Variants in ELF1 observed in about 807,000 individuals in gnomAD.
The protein encoded by ELF1 is ETS-related transcription factor Elf-1.
ELF1 carries 24 observed loss-of-function variants against 59.9 expected under a neutral mutation model. That is an observed-to-expected ratio of 0.40 (90% confidence interval 0.29 to 0.56). The LOEUF (loss-of-function observed/expected upper bound fraction) is 0.56. ELF1 is among the 20% of genes least tolerant of loss of function. The pLI is 0.44. For synonymous variants in ELF1, 248 were observed against 266.2 expected, an observed-to-expected ratio of 0.93 and a Z score of 0.67; for missense variants, 627 against 742.2, an observed-to-expected ratio of 0.84 and a Z score of 1.80.
At chr13:40,937,316 C>T (rs964043973) in intron 8 of ELF1, among the ~76,000 whole-genome samples, 4 of 152,160 alleles carry the variant, frequency 2.6e-5, no homozygotes, top group African/African-American at 9.7e-5. Flanking sequence ...TAACATTTAG[C>T]ATTTGTTGAG....
At chr13:40,966,753 G>A (rs1338272758) in intron 2 of ELF1, among the ~76,000 whole-genome samples, 1 of 152,114 alleles carries the variant, frequency 6.6e-6, no homozygotes, top group East Asian at 1.9e-4. Context: ...TCTGGTATAT[G>A]GTGATTGTGA....
Position 40,979,218 on chromosome 13 carries a change from T to TACACACAC in ELF1, c.72+2757_72+2764dup, listed in dbSNP as rs147590741. Among the ~76,000 whole-genome samples, 960 of 151,264 alleles carry TACACACAC rather than the reference T, an allele frequency of 6.3e-3. 6 individuals carry two copies. The highest frequency in any genetic ancestry group is 0.019 in the African/African-American group (778 of 41,224). ...ATCACATAAGTGTACAAAGATACAC[T>TACACACAC]ACACACACACACACATAATGACAAA... On this transcript the variant is annotated intron_variant, in intron 2 of 8. Coordinates refer to ENST00000239882, the MANE Select transcript of ELF1 (RefSeq NM_172373.4).
intron 2 of ELF1, among the ~76,000 whole-genome samples, chr13:40,975,149 T>C (rs1481689926): frequency 6.6e-6 from 1 of 152,182 alleles, no homozygotes; most frequent in East Asian, 1.9e-4. Flanking sequence ...TACAGATCAG[T>C]AGCAACACTC....
At chr13:40,996,564 C>A (rs1351999398) in intron 1 of ELF1, among the ~76,000 whole-genome samples, 1 of 152,124 alleles carries the variant, frequency 6.6e-6, no homozygotes, top group Non-Finnish European at 1.5e-5. Context: ...AAATGTACAC[C>A]ACCATAAGTG....
chr13:40,941,209 C>G lies in ELF1; in HGVS notation c.968G>C (p.Arg323Thr), dbSNP rs144532940. The change falls in exon 8 of 9, where the codon AGG (arginine) becomes ACG (threonine). Residue 323 changes from arginine to threonine, a missense_variant. By Grantham distance (71) the Arg-to-Thr change is moderately conservative. This residue lies in a region of ELF1 where 361 missense variants were observed against 396.1 expected (regional missense o/e 0.91). Coordinates refer to ENST00000239882, the MANE Select transcript of ELF1 (RefSeq NM_172373.4). ...TACTCTCGACCGGCTGGTTTGATTC[C>G]TATTTGAAGTGGCTGATGAAGATAG... The part of the protein sequence containing the change: ...PSLSSSATSN[R>T]NQTSRSRVSS... The G allele has an allele frequency of 8.2e-5, 132 of 1,614,058 alleles. No individual in the cohort carries two copies. The highest frequency in any genetic ancestry group is 1.6e-4 in the Middle Eastern group (1 of 6,084).
chr13:41,000,627 G>C (rs558099189), intron 1 of ELF1, among the ~76,000 whole-genome samples: 23 of 152,082 alleles, frequency 1.5e-4, no homozygotes, highest in African/African-American at 4.8e-4. Flanking sequence ...GCACTTACTA[G>C]ATTTAAAAAA....
intron 1 of ELF1, among the ~76,000 whole-genome samples, chr13:41,040,523 C>T (rs1435173605): frequency 6.6e-6 from 1 of 151,900 alleles, no homozygotes; most frequent in Non-Finnish European, 1.5e-5. Flanking sequence ...GGATGGGGGG[C>T]AGGGGTTGGG....
At chr13:40,970,001 TCA>T (rs1284360858) in intron 2 of ELF1, among the ~76,000 whole-genome samples, 2 of 152,218 alleles carry the variant, frequency 1.3e-5, no homozygotes, top group African/African-American at 4.8e-5. Flanking sequence ...GGCAATTTCC[TCA>T]GTTTCTTTCA....
At position 40,933,775 on chromosome 13, in the gene ELF1, C is replaced by T; in HGVS notation, c.1510G>A (p.Val504Ile). ...PPSIVLGPAQVQQVLTSNVQT... is the reference protein window; with the variant it reads ...PPSIVLGPAQIQQVLTSNVQT... ...ACATTGCTAGTAAGGACCTGCTGAA[C>T]CTGGGCAGGGCCCAAGACAATTGAA... Residue 504 changes from valine (V) to isoleucine (I), a missense_variant, in exon 9 of 9, where the codon GTT becomes ATT. Physicochemically the swap from Val to Ile is conservative, Grantham distance 29 (BLOSUM62 3). Coordinates refer to ENST00000239882, the MANE Select transcript of ELF1 (RefSeq NM_172373.4). 1 of 1,614,266 alleles carries T rather than the reference C, an allele frequency of 6.2e-7. No individual in the cohort carries two copies. Among genetic ancestry groups the T allele is most frequent in the Non-Finnish European group, 8.5e-7 (1 of 1,180,038 alleles).
At chr13:41,010,236 T>A (rs1420056068) in intron 1 of ELF1, among the ~76,000 whole-genome samples, 4 of 134,786 alleles carry the variant, frequency 3.0e-5, no homozygotes, top group African/African-American at 1.1e-4. Flanking sequence ...CCAGACCGCA[T>A]ACCCACCAAT....
intron 1 of ELF1, among the ~76,000 whole-genome samples, chr13:40,991,931 T>C (rs971109713): frequency 6.6e-6 from 1 of 152,218 alleles, no homozygotes; most frequent in Non-Finnish European, 1.5e-5. Flanking sequence ...AGCAAAGCAA[T>C]AACATTGATA....
chr13:40,998,395 G>T (rs776017637), intron 1 of ELF1, among the ~76,000 whole-genome samples: 1 of 152,148 alleles, frequency 6.6e-6, no homozygotes, highest in African/African-American at 2.4e-5. Context: ...TACTGTACAG[G>T]TTTGTGGCCT....
At chr13:41,061,369 G>A (rs981861082) in exon 1 of ELF1, 4 of 517,994 alleles carry the variant, frequency 7.7e-6, no homozygotes, top group African/African-American at 5.8e-5. Flanking sequence ...TTCAGCTCAG[G>A]TCCCGTCGCG....
At chr13:40,993,529 G>A (rs1318037465) in intron 1 of ELF1, among the ~76,000 whole-genome samples, 2 of 152,168 alleles carry the variant, frequency 1.3e-5, no homozygotes, top group African/African-American at 4.8e-5. Flanking sequence ...TGCCCAGGCT[G>A]GAGGGCAGTG....
intron 1 of ELF1, among the ~76,000 whole-genome samples, chr13:41,002,662 G>C (rs939919049): frequency 6.6e-6 from 1 of 151,378 alleles, no homozygotes; most frequent in Non-Finnish European, 1.5e-5. Context: ...ATATTCTTTT[G>C]GACAAGCACT....
At chr13:41,018,420 C>G (rs1875546035) in intron 1 of ELF1, among the ~76,000 whole-genome samples, 1 of 152,154 alleles carries the variant, frequency 6.6e-6, no homozygotes, top group Non-Finnish European at 1.5e-5. Flanking sequence ...ATACTCATCA[C>G]TTTTTCTTTT....
intron 1 of ELF1, among the ~76,000 whole-genome samples, chr13:40,985,749 G>GA (rs1372810608): frequency 2.0e-5 from 3 of 152,020 alleles, no homozygotes. Flanking sequence ...ACTCGGATTA[G>GA]AAAAAAGGCT....
chr13:40,962,223 C>T (rs752463605), intron 2 of ELF1, among the ~76,000 whole-genome samples: 12 of 152,070 alleles, frequency 7.9e-5, no homozygotes, highest in Non-Finnish European at 1.8e-4. Flanking sequence ...CAGGCATACT[C>T]CAAATTGCTT....
chr13:41,033,258 G>A (rs1260423142), intron 1 of ELF1, among the ~76,000 whole-genome samples: 1 of 152,134 alleles, frequency 6.6e-6, no homozygotes, highest in South Asian at 2.1e-4. Context: ...CTATTGACTA[G>A]TTTTTAACTT....
Sources: gnomAD v4.1 joint callset for allele counts (sites outside exome capture counted in the v4.1 genomes callset) on GRCh38, gnomAD v4.1.1 for gene constraint, gnomAD v4.1.1 regional missense constraint, MANE v1.5 for transcripts, NCBI Gene and HGNC (gene_info 2026-07-23, HGNC 2026-07-21) for gene names.